Variants in FNIP1 observed in about 807,000 individuals in gnomAD.
FNIP1 encodes folliculin-interacting protein 1.
Under a neutral mutation model 124.5 loss-of-function variants are expected in FNIP1, and 40 were observed. The ratio of observed to expected loss-of-function variants is 0.32; its 90% CI spans 0.25 to 0.42. FNIP1 has a LOEUF of 0.42. FNIP1 is among the 10% of genes least tolerant of loss of function. The pLI, the probability that FNIP1 is intolerant of heterozygous loss-of-function variation, is 1.00. For synonymous variants in FNIP1, 472 were observed against 470.6 expected, an observed-to-expected ratio of 1.00 and a Z score of -0.04; for missense variants, 1,176 against 1,403.7, an observed-to-expected ratio of 0.84 and a Z score of 2.59.
chr5:131,695,096 C>T (rs1392602567), intron 11 of FNIP1, among the ~76,000 whole-genome samples: 3 of 144,438 alleles, frequency 2.1e-5, no homozygotes, highest in African/African-American at 5.2e-5. Flanking sequence ...CAGAGTGAGA[C>T]ACTGTCTCAA....
intron 15 of FNIP1, among the ~76,000 whole-genome samples, chr5:131,666,868 T>C (rs1767618388): frequency 2.6e-5 from 4 of 152,060 alleles, no homozygotes; most frequent in Admixed American, 2.6e-4. Flanking sequence ...CAAGATACTG[T>C]GTTTGGCGAT....
At chr5:131,677,057 C>A (rs1767932828) in intron 13 of FNIP1, among the ~76,000 whole-genome samples, 2 of 152,166 alleles carry the variant, frequency 1.3e-5, no homozygotes, top group Admixed American at 1.3e-4. Flanking sequence ...AACCATTTTA[C>A]ATGTATTATC....
At chr5:131,788,576 C>T (rs576878036) in intron 1 of FNIP1, among the ~76,000 whole-genome samples, 3 of 151,640 alleles carry the variant, frequency 2.0e-5, no homozygotes, top group African/African-American at 7.2e-5. Flanking sequence ...TGGCACGTGC[C>T]TGTAATCCCA....
intron 5 of FNIP1, among the ~76,000 whole-genome samples, chr5:131,717,858 AT>A (rs1252342492): frequency 1.3e-5 from 2 of 151,916 alleles, no homozygotes; most frequent in Non-Finnish European, 2.9e-5. Flanking sequence ...TGGCTTCAAT[AT>A]TTTTTAAGGC....
chr5:131,787,814 A>C (rs1772266862), intron 1 of FNIP1, among the ~76,000 whole-genome samples: 1 of 152,200 alleles, frequency 6.6e-6, no homozygotes, highest in Non-Finnish European at 1.5e-5. Flanking sequence ...AAATCAATTT[A>C]GAAGAACAGT....
chr5:131,730,761 A>C (rs1205895614), intron 3 of FNIP1, 143 bp downstream of exon 3: 4 of 549,040 alleles, frequency 7.3e-6, no homozygotes, highest in Non-Finnish European at 1.2e-5. Flanking sequence ...GTTCATAAAC[A>C]TAATTGTTTA....
chr5:131,715,724 T>C (rs1050703689), intron 6 of FNIP1, among the ~76,000 whole-genome samples: 7 of 152,102 alleles, frequency 4.6e-5, no homozygotes, highest in African/African-American at 1.4e-4. Context: ...CCCACAGTAA[T>C]AGGTGTTTTA....
chr5:131,694,702 A>G (rs140025106), intron 11 of FNIP1, among the ~76,000 whole-genome samples: 66 of 152,336 alleles, frequency 4.3e-4, no homozygotes, highest in African/African-American at 1.3e-3. Context: ...TAAAAACCAT[A>G]TAACTATACA....
At position 131,672,568 on chromosome 5, in the gene FNIP1, A is replaced by T; in HGVS notation, c.1876T>A (p.Ser626Thr). ...TGAATATCTTCTCTCTCTTGTTGTG[A>T]AATGTTCTCTACATTTTGCCCAAGG... Reference protein sequence around the residue: ...PLLGQNVENISQQEREDIQNS... With the variant: ...PLLGQNVENITQQEREDIQNS... The change falls in exon 14 of 18, where the codon TCA becomes ACA. Residue 626 changes from serine to threonine, a missense_variant. Physicochemically the swap from Ser to Thr is moderately conservative, Grantham distance 58. This residue lies in a region of FNIP1 where 1,109 missense variants were observed against 1,288.5 expected (regional missense o/e 0.86). Coordinates refer to ENST00000510461, the MANE Select transcript of FNIP1 (RefSeq NM_133372.3). 1 of 1,614,066 alleles carries T rather than the reference A, an allele frequency of 6.2e-7. No homozygotes were observed. The highest frequency in any genetic ancestry group is 8.5e-7 in the Non-Finnish European group (1 of 1,180,024).
intron 6 of FNIP1, among the ~76,000 whole-genome samples, chr5:131,713,695 A>C (rs1769376235): frequency 6.6e-6 from 1 of 152,216 alleles, no homozygotes; most frequent in South Asian, 2.1e-4. Context: ...AGTGAATAGC[A>C]CCAATATACA....
Position 131,786,829 on chromosome 5 carries a change from T to C in FNIP1, c.92+10001A>G, listed in dbSNP as rs540226371. On this transcript the variant is annotated intron_variant, in intron 1 of 17. Coordinates refer to ENST00000510461, the MANE Select transcript of FNIP1 (RefSeq NM_133372.3). ...GCCAGCACCATGCTCTCAGACTTTT[T>C]AGCCTCCAGAACTATGAGCCTTATA... Among the ~76,000 whole-genome samples the C allele has an allele frequency of 3.9e-5, 6 of 152,362 alleles. No homozygotes were observed. The East Asian group carries it at 1.2e-3, about 29-fold the overall frequency.
intron 1 of FNIP1, among the ~76,000 whole-genome samples, chr5:131,758,127 A>G (rs183812078): frequency 4.6e-5 from 7 of 152,380 alleles, no homozygotes; most frequent in Non-Finnish European, 8.8e-5. Flanking sequence ...TTAATTGCTT[A>G]GAATATGATA....
chr5:131,683,144 CT>C (rs1768146039), intron 11 of FNIP1, among the ~76,000 whole-genome samples: 1 of 152,078 alleles, frequency 6.6e-6, no homozygotes, highest in Non-Finnish European at 1.5e-5. Flanking sequence ...TAAATAATCC[CT>C]TAATTTAAGA....
intron 3 of FNIP1, among the ~76,000 whole-genome samples, chr5:131,725,067 T>G (rs556330506): frequency 6.6e-6 from 1 of 152,300 alleles, no homozygotes; most frequent in African/African-American, 2.4e-5. Flanking sequence ...TATGTATCTG[T>G]TTTGGTACCA....
At chr5:131,704,396 C>G (rs1293826854) in intron 9 of FNIP1, 130 bp from the exon 10 acceptor site, 2 of 696,780 alleles carry the variant, frequency 2.9e-6, no homozygotes, top group African/African-American at 3.6e-5. Context: ...AATTTCATAC[C>G]AATTGTATAT....
At chr5:131,760,389 A>G (rs1423177833) in intron 1 of FNIP1, among the ~76,000 whole-genome samples, 1 of 152,176 alleles carries the variant, frequency 6.6e-6, no homozygotes, top group Admixed American at 6.6e-5. Context: ...AAAATACCGA[A>G]ATAATTCACT....
intron 6 of FNIP1, among the ~76,000 whole-genome samples, chr5:131,715,095 G>T (rs981930969): frequency 2.0e-5 from 3 of 152,176 alleles, no homozygotes; most frequent in African/African-American, 7.2e-5. Context: ...TATGTAAAAT[G>T]GATTTTCTAC....
rs34177023 is a variant in FNIP1, at chr5:131,642,867, C to CAAAAAAA, written c.*1811_*1817dup. 1.4e-5 allele frequency: 1 copy of CAAAAAAA among 69,090 alleles called. No individual in the cohort carries two copies. 4.3% of individuals were successfully genotyped at this position (69,090 alleles called of 1,614,324 possible). A position where few individuals can be genotyped will look rare whatever the true frequency, so the allele number is the denominator to read the frequency against. On this transcript the variant is annotated 3_prime_UTR_variant, in exon 18 of 18. Coordinates refer to ENST00000510461, the MANE Select transcript of FNIP1 (RefSeq NM_133372.3). ...CTGGGTAACAAGAGTGAAACTCCGT[C>CAAAAAAA]AAAAAAAAAAAAAAAAAAAAAAAGG...
At chr5:131,729,806 C>T (rs749859579) in intron 3 of FNIP1, among the ~76,000 whole-genome samples, 5 of 151,934 alleles carry the variant, frequency 3.3e-5, no homozygotes, top group African/African-American at 9.7e-5. Context: ...AGTGCAATGG[C>T]GCAATCTTGG....
Sources: allele counts gnomAD v4.1 joint callset (sites outside exome capture counted in the v4.1 genomes callset), GRCh38; gene constraint gnomAD v4.1.1; regional missense constraint gnomAD v4.1.1; transcripts MANE v1.5; gene names NCBI Gene and HGNC (gene_info 2026-07-23, HGNC 2026-07-21).